ZFAND6: variants seen among roughly 807,000 people sequenced by gnomAD.
The protein encoded by ZFAND6 is AN1-type zinc finger protein 6.
Under a neutral mutation model 24.5 loss-of-function variants are expected in ZFAND6, and 12 were observed. The ratio of observed to expected loss-of-function variants is 0.49; its 90% CI spans 0.31 to 0.79. The LOEUF is 0.79. ZFAND6 is among the 30% of genes least tolerant of loss of function. The pLI is 0.04. For missense variants in ZFAND6, 207 were observed against 245.9 expected, an observed-to-expected ratio of 0.84 and a Z score of 1.06; for synonymous variants, 92 against 81.5, an observed-to-expected ratio of 1.13 and a Z score of -0.69.
intron 1 of ZFAND6, among the ~76,000 whole-genome samples, chr15:80,094,982 A>G (rs1263807942): frequency 1.3e-5 from 2 of 152,180 alleles, no homozygotes; most frequent in Admixed American, 6.5e-5. Flanking sequence ...CATGTTGGCC[A>G]GGCTGGTCTC....
At chr15:80,091,648 T>TG (rs2038384066) in intron 1 of ZFAND6, among the ~76,000 whole-genome samples, 1 of 9,216 alleles carries the variant, frequency 1.1e-4, no homozygotes, top group Non-Finnish European at 2.8e-4. Context: ...AAAAAAAAAC[T>TG]TTTTTTAAGA....
At chr15:80,106,810 T>A (rs1224586716) in intron 2 of ZFAND6, among the ~76,000 whole-genome samples, 1 of 152,188 alleles carries the variant, frequency 6.6e-6, no homozygotes, top group Non-Finnish European at 1.5e-5. Flanking sequence ...GAGACTTCAG[T>A]TTCCAGTATG....
chr15:80,132,767 A>G (rs1359608289), intron 6 of ZFAND6, among the ~76,000 whole-genome samples: 1 of 152,208 alleles, frequency 6.6e-6, no homozygotes, highest in Non-Finnish European at 1.5e-5. Context: ...CACTAGCACT[A>G]GTGATACTGG....
At chr15:80,067,960 T>TA (rs200345734) in intron 1 of ZFAND6, among the ~76,000 whole-genome samples, 138 of 152,168 alleles carry the variant, frequency 9.1e-4, no homozygotes, top group African/African-American at 3.2e-3. Flanking sequence ...ATTTCTTAAT[T>TA]AAAAAAATTT....
chr15:80,090,244 A>G (rs535169296), intron 1 of ZFAND6, among the ~76,000 whole-genome samples: 1 of 152,334 alleles, frequency 6.6e-6, no homozygotes, highest in South Asian at 2.1e-4. Flanking sequence ...TAAGTACTCA[A>G]GAAATGCCTC....
At chr15:80,122,186 TGTA>T (rs1382535004) in intron 4 of ZFAND6, among the ~76,000 whole-genome samples, 28 of 152,326 alleles carry the variant, frequency 1.8e-4, no homozygotes, top group African/African-American at 5.3e-4. Flanking sequence ...AATATCATGA[TGTA>T]GTACTCATAT....
chr15:80,133,297 A>G (rs533796913), intron 6 of ZFAND6, among the ~76,000 whole-genome samples: 4 of 151,864 alleles, frequency 2.6e-5, no homozygotes, highest in African/African-American at 7.2e-5. Context: ...GGTTCAAGCA[A>G]TTCTCCTGCC....
intron 6 of ZFAND6, among the ~76,000 whole-genome samples, chr15:80,133,535 C>T (rs992162804): frequency 2.6e-5 from 4 of 152,110 alleles, no homozygotes; most frequent in Non-Finnish European, 4.4e-5. Flanking sequence ...TTGAAAAAGT[C>T]AAGATAACAG....
intron 1 of ZFAND6, among the ~76,000 whole-genome samples, chr15:80,083,708 T>C (rs561414079): frequency 6.6e-6 from 1 of 152,272 alleles, no homozygotes; most frequent in East Asian, 1.9e-4. Flanking sequence ...CTGGCCAACG[T>C]GGTGAAACCG....
chr15:80,074,054 G>A (rs915832196), intron 1 of ZFAND6, among the ~76,000 whole-genome samples: 2 of 151,700 alleles, frequency 1.3e-5, no homozygotes, highest in African/African-American at 2.4e-5. Flanking sequence ...AGTTTATATC[G>A]ACACCAGCAG....
At chr15:80,136,547 T>C (rs192691464) in intron 6 of ZFAND6, among the ~76,000 whole-genome samples, 1 of 152,362 alleles carries the variant, frequency 6.6e-6, no homozygotes, top group East Asian at 1.9e-4. Context: ...TTTAATAATT[T>C]TCATCTTGTC....
rs987247421 is a variant in ZFAND6, at chr15:80,065,180, T to C, written c.-181+5371T>C. The stretch of plus-strand genomic sequence containing the variant: ...ACGGTTTCATATTTCACATCTGTCT[T>C]TTTCTGTTCATCTGGGATTTATTTT... On this transcript the variant is annotated intron_variant, in intron 1 of 6. Transcript: ENST00000261749. Among the ~76,000 whole-genome samples, 6 of 152,172 alleles carry C rather than the reference T, an allele frequency of 3.9e-5. No individual in the cohort carries two copies. The East Asian group carries it at 1.2e-3, about 29-fold the overall frequency.
At chr15:80,082,373 G>A (rs1158878033) in intron 1 of ZFAND6, among the ~76,000 whole-genome samples, 3 of 152,202 alleles carry the variant, frequency 2.0e-5, no homozygotes, top group Non-Finnish European at 4.4e-5. Flanking sequence ...AGGAAAAATT[G>A]ACAAAGGTTA....
intron 1 of ZFAND6, among the ~76,000 whole-genome samples, chr15:80,098,214 A>G (rs184080203): frequency 2.0e-5 from 3 of 152,360 alleles, no homozygotes; most frequent in Non-Finnish European, 2.9e-5. Context: ...GTGGCCAGGT[A>G]TAGAAAATCT....
chr15:80,137,272 C>G (rs376964159), intron 6 of ZFAND6, among the ~76,000 whole-genome samples: 54 of 152,322 alleles, frequency 3.5e-4, no homozygotes, highest in Admixed American at 1.0e-3. Context: ...AGAGGACTTT[C>G]TCTAGGGCAA....
chr15:80,105,430 C>T (rs1416322243), intron 2 of ZFAND6, among the ~76,000 whole-genome samples: 3 of 152,172 alleles, frequency 2.0e-5, no homozygotes, highest in African/African-American at 4.8e-5. Flanking sequence ...GGATTTATGA[C>T]TGCAGCTACT....
intron 1 of ZFAND6, among the ~76,000 whole-genome samples, chr15:80,097,273 T>C (rs1235717158): frequency 1.3e-5 from 2 of 152,100 alleles, no homozygotes; most frequent in East Asian, 3.9e-4. Flanking sequence ...GTGCTGGGAT[T>C]ATAGGTGTGA....
intron 2 of ZFAND6, among the ~76,000 whole-genome samples, chr15:80,102,211 A>G (rs972717272): frequency 3.3e-5 from 5 of 152,018 alleles, no homozygotes; most frequent in African/African-American, 1.2e-4. Flanking sequence ...GTGCAGTGGC[A>G]TGATTCTCCT....
chr15:80,088,288 C>G (rs564189184), intron 1 of ZFAND6, among the ~76,000 whole-genome samples: 1 of 151,986 alleles, frequency 6.6e-6, no homozygotes, highest in African/African-American at 2.4e-5. Context: ...AGACTTTGGC[C>G]GAGCACAGTG....
Sources: gnomAD v4.1 joint callset for allele counts (sites outside exome capture counted in the v4.1 genomes callset) on GRCh38, gnomAD v4.1.1 for gene constraint, MANE v1.5 for transcripts, NCBI Gene and HGNC (gene_info 2026-07-23, HGNC 2026-07-21) for gene names.